Variants in TMEM131 observed in about 807,000 individuals in gnomAD.
TMEM131 encodes transmembrane protein 131.
A neutral mutation model predicts 211.6 loss-of-function variants in TMEM131; 66 were observed. The observed-to-expected ratio is 0.31, with a 90% CI of 0.26 to 0.38. The LOEUF is 0.38. Among genes scored for constraint, TMEM131 ranks in the 10% least tolerant of loss-of-function variants. The pLI is 1.00. For missense variants in TMEM131, 2,036 were observed against 2,299.3 expected (o/e 0.89, Z 2.34); for synonymous variants, 844 against 841.3 (o/e 1.00, Z -0.06).
At chr2:97,981,264 C>T (rs1353162940) in intron 1 of TMEM131, among the ~76,000 whole-genome samples, 2 of 151,352 alleles carry the variant, frequency 1.3e-5, no homozygotes, top group East Asian at 1.9e-4. Flanking sequence ...AGGTCATTTC[C>T]AATAGTTTTC....
chr2:97,775,458 T>TAATTAA (rs1238143694), intron 32 of TMEM131, among the ~76,000 whole-genome samples: 1 of 152,214 alleles, frequency 6.6e-6, no homozygotes, highest in Non-Finnish European at 1.5e-5. Context: ...AAACACAACC[T>TAATTAA]AATTAAAATG....
At chr2:97,905,843 C>A (rs1676044154) in intron 3 of TMEM131, among the ~76,000 whole-genome samples, 1 of 152,146 alleles carries the variant, frequency 6.6e-6, no homozygotes, top group Non-Finnish European at 1.5e-5. Flanking sequence ...ACCGGCCCTC[C>A]TCAAGATAAG....
intron 4 of TMEM131, among the ~76,000 whole-genome samples, chr2:97,877,541 AAAC>A (rs945709530): frequency 6.6e-6 from 1 of 152,226 alleles, no homozygotes; most frequent in African/African-American, 2.4e-5. Context: ...AAGGCCTCAG[AAAC>A]AACACCACAC....
intron 3 of TMEM131, among the ~76,000 whole-genome samples, chr2:97,895,716 T>C (rs1675580840): frequency 6.6e-6 from 1 of 152,214 alleles, no homozygotes; most frequent in African/African-American, 2.4e-5. Context: ...AATGGTGATA[T>C]CCCCTTTATC....
intron 31 of TMEM131, among the ~76,000 whole-genome samples, chr2:97,789,249 C>T (rs1435544493): frequency 1.3e-5 from 2 of 152,238 alleles, no homozygotes; most frequent in African/African-American, 4.8e-5. Context: ...TTCTGTTATG[C>T]TGTCTGTCAT....
intron 33 of TMEM131, among the ~76,000 whole-genome samples, chr2:97,767,328 G>A (rs1222378546): frequency 6.6e-6 from 1 of 152,164 alleles, no homozygotes; most frequent in Non-Finnish European, 1.5e-5. Flanking sequence ...AAAACCTGCT[G>A]GGAGACAGCA....
chr2:97,961,466 T>G (rs933766063), intron 1 of TMEM131, among the ~76,000 whole-genome samples: 1 of 152,204 alleles, frequency 6.6e-6, no homozygotes, highest in African/African-American at 2.4e-5. Flanking sequence ...AAAAACTCCA[T>G]GTTGTTATAT....
rs1235990045 is a variant in TMEM131 at position 97,792,617 on chromosome 2, G to A, written c.3913C>T (p.Pro1305Ser). The A allele has an allele frequency of 6.2e-7, 1 of 1,613,144 alleles. No homozygotes were observed. Among genetic ancestry groups the A allele is most frequent in the Non-Finnish European group, 8.5e-7 (1 of 1,179,468 alleles). ...HSPLEQHPQPPLPPPVPQPQE... is the reference protein window; with the variant it reads ...HSPLEQHPQPSLPPPVPQPQE... The stretch of plus-strand genomic sequence containing the variant: ...GGCTGAGGCACTGGCGGTGGCAGAG[G>A]AGGCTGAGGGTGCTGCTCCAGCGGG... The change falls in exon 31 of 41, where the codon CCT (proline) becomes TCT (serine). Residue 1305 changes from proline (P) to serine (S), a missense_variant. Coordinates refer to ENST00000186436, the MANE Select transcript of TMEM131 (RefSeq NM_015348.2).
intron 1 of TMEM131, among the ~76,000 whole-genome samples, chr2:97,951,985 C>T (rs528473601): frequency 6.6e-6 from 1 of 152,066 alleles, no homozygotes; most frequent in Non-Finnish European, 1.5e-5. Flanking sequence ...GGTGAAACCC[C>T]ATCTCTACTA....
intron 31 of TMEM131, among the ~76,000 whole-genome samples, chr2:97,783,323 A>C (rs1355702124): frequency 6.6e-6 from 1 of 152,172 alleles, no homozygotes; most frequent in Admixed American, 6.5e-5. Flanking sequence ...GAAGTTACCA[A>C]AACAGAAAGG....
At chr2:97,775,106 T>C (rs568441337) in intron 32 of TMEM131, among the ~76,000 whole-genome samples, 1 of 152,164 alleles carries the variant, frequency 6.6e-6, no homozygotes, top group Non-Finnish European at 1.5e-5. Flanking sequence ...TCCATTTATC[T>C]AAAAATAAAA....
chr2:97,951,974 T>C (rs1016733502), intron 1 of TMEM131, among the ~76,000 whole-genome samples: 14 of 151,850 alleles, frequency 9.2e-5, no homozygotes, highest in Non-Finnish European at 1.6e-4. Flanking sequence ...CTGACCAACA[T>C]GGTGAAACCC....
At chr2:97,870,034 C>T (rs780639713) in intron 4 of TMEM131, among the ~76,000 whole-genome samples, 1 of 152,134 alleles carries the variant, frequency 6.6e-6, no homozygotes, top group Non-Finnish European at 1.5e-5. Context: ...TTTTCAAAAG[C>T]AGCACGAAGA....
At chr2:97,929,477 T>C (rs2104450391) in intron 1 of TMEM131, among the ~76,000 whole-genome samples, 1 of 151,900 alleles carries the variant, frequency 6.6e-6, no homozygotes, top group South Asian at 2.1e-4. Flanking sequence ...GGGAAGACAC[T>C]CACTGTCCCA....
Position 97,793,181 on chromosome 2 carries a change from A to G in TMEM131, c.3546-197T>C, listed in dbSNP as rs888502141. On this transcript the variant is annotated intron_variant, in intron 30 of 40. Coordinates refer to ENST00000186436, the MANE Select transcript of TMEM131 (RefSeq NM_015348.2). ...TTTATAATTTACCATCAGTGATCTA[A>G]CTAAAAGTATTTTAACCCTTACCAA... is the stretch of plus-strand genomic sequence containing the variant. 21 of 644,054 alleles carry G rather than the reference A, an allele frequency of 3.3e-5. No individual in the cohort carries two copies. In the African/African-American group the frequency reaches 3.7e-4, roughly 11 times the overall value. The allele number at this position is 644,054 out of a possible 1,614,324, so 39.9% of individuals were successfully genotyped here.
chr2:97,853,837 C>G (rs548661506), intron 5 of TMEM131, among the ~76,000 whole-genome samples: 82 of 152,138 alleles, frequency 5.4e-4, no homozygotes, highest in African/African-American at 1.9e-3. Context: ...AAAACTTGAA[C>G]GGAAGAGGAG....
At chr2:97,877,012 G>C (rs1674724139) in intron 4 of TMEM131, among the ~76,000 whole-genome samples, 1 of 152,166 alleles carries the variant, frequency 6.6e-6, no homozygotes. Context: ...CAAAGTCTCA[G>C]GATACAAAAT....
intron 2 of TMEM131, among the ~76,000 whole-genome samples, chr2:97,914,792 G>A (rs1176857810): frequency 6.6e-6 from 1 of 152,116 alleles, no homozygotes; most frequent in Admixed American, 6.5e-5. Flanking sequence ...ATACATCTGG[G>A]TTGTTTCCAG....
At chr2:97,793,187 A>C (rs1680587081) in intron 30 of TMEM131, 2 of 646,200 alleles carry the variant, frequency 3.1e-6, no homozygotes, top group Admixed American at 6.5e-5. Flanking sequence ...TCTAACTAAA[A>C]GTATTTTAAC....
Sources: gnomAD v4.1 joint callset for allele counts (sites outside exome capture counted in the v4.1 genomes callset) on GRCh38, gnomAD v4.1.1 for gene constraint, MANE v1.5 for transcripts, NCBI Gene and HGNC (gene_info 2026-07-23, HGNC 2026-07-21) for gene names.